The following EHMT1 variants were observed in gnomAD, a reference collection of about 807,000 sequenced individuals.
EHMT1 encodes the protein euchromatic histone lysine methyltransferase 1, also known as histone-lysine N-methyltransferase EHMT1.
A neutral mutation model predicts 147.2 loss-of-function variants in EHMT1; 15 were observed. The ratio of observed to expected loss-of-function variants is 0.10; its 90% CI spans 0.07 to 0.16. The LOEUF (loss-of-function observed/expected upper bound fraction) is 0.16. Ranked by LOEUF, EHMT1 falls within the 10% of genes least tolerant of loss-of-function variation. The pLI, the probability that EHMT1 is intolerant of heterozygous loss-of-function variation, is 1.00. For synonymous variants in EHMT1, 795 were observed against 709.6 expected (o/e 1.12, Z -1.91); for missense variants, 1,587 against 1,772.4 (o/e 0.90, Z 1.88).
At chr9:137,690,123 G>C (rs1942809525) in intron 1 of EHMT1, among the ~76,000 whole-genome samples, 1 of 152,204 alleles carries the variant, frequency 6.6e-6, no homozygotes, top group African/African-American at 2.4e-5. Flanking sequence ...GGGGAAAACT[G>C]TGAGAGATGA....
At chr9:137,768,347 GTTT>G (rs768762232) in intron 10 of EHMT1, among the ~76,000 whole-genome samples, 5 of 92,512 alleles carry the variant, frequency 5.4e-5, no homozygotes, top group Non-Finnish European at 4.2e-5. Flanking sequence ...TTTTCTGTGT[GTTT>G]TTTTTTTTTT....
rs763737073 is a variant in EHMT1, at chr9:137,817,463, G to A, written c.3399G>A (p.Thr1133=). ...GLRARLQLYR[T]RDMGWGVRSL... is the part of the protein sequence containing the mutation. ...GGGCAAGGCTGCAGCTCTACCGGACGCGGGACATGGGCTGGGGCGTGCGGT... is the reference window on the plus strand; with the variant it reads ...GGGCAAGGCTGCAGCTCTACCGGACACGGGACATGGGCTGGGGCGTGCGGT... The change falls in exon 24 of 27, where the codon ACG becomes ACA. Residue 1133 remains threonine (T), a synonymous_variant. Transcript: ENST00000460843. The A allele has an allele frequency of 3.0e-5, 48 of 1,614,076 alleles. No individual in the cohort carries two copies. Among genetic ancestry groups the A allele is most frequent in the Non-Finnish European group, 3.8e-5 (45 of 1,180,042 alleles).
At chr9:137,698,126 C>CA (rs1943553047) in intron 1 of EHMT1, among the ~76,000 whole-genome samples, 1 of 152,210 alleles carries the variant, frequency 6.6e-6, no homozygotes, top group Non-Finnish European at 1.5e-5. Flanking sequence ...TGCAGAGACA[C>CA]AGTGTGGAAA....
chr9:137,774,721 G>A (rs1452137636), intron 10 of EHMT1, among the ~76,000 whole-genome samples: 1 of 131,640 alleles, frequency 7.6e-6, no homozygotes, highest in Non-Finnish European at 1.6e-5. Context: ...GGATCTGGTG[G>A]GTATGGTCGC....
At chr9:137,642,401 G>A (rs1186805953) in intron 1 of EHMT1, among the ~76,000 whole-genome samples, 1 of 151,958 alleles carries the variant, frequency 6.6e-6, no homozygotes, top group East Asian at 1.9e-4. Context: ...GAACTCCCGG[G>A]CTCACAGGAT....
intron 15 of EHMT1, chr9:137,788,111 C>T (rs1952145503): frequency 7.6e-7 from 1 of 1,314,612 alleles, no homozygotes. Flanking sequence ...AGAGGGGCCA[C>T]AGAGGCCTCT....
intron 4 of EHMT1, among the ~76,000 whole-genome samples, chr9:137,734,273 A>G (rs1231230640): frequency 6.6e-6 from 1 of 152,246 alleles, no homozygotes; most frequent in Non-Finnish European, 1.5e-5. Flanking sequence ...TCAAAATGGA[A>G]ATACCAATAA....
chr9:137,694,675 T>C (rs1428080197), intron 1 of EHMT1, among the ~76,000 whole-genome samples: 2 of 152,330 alleles, frequency 1.3e-5, no homozygotes, highest in East Asian at 1.9e-4. Flanking sequence ...CTCTGAGCCA[T>C]GTGCCAGTCA....
chr9:137,768,689 A>G (rs1950399880), intron 10 of EHMT1, among the ~76,000 whole-genome samples: 1 of 149,712 alleles, frequency 6.7e-6, no homozygotes, highest in Non-Finnish European at 1.5e-5. Context: ...AGCTGGGACT[A>G]CAGGCGCCCG....
At chr9:137,755,770 G>A (rs577366486) in intron 8 of EHMT1, among the ~76,000 whole-genome samples, 1 of 152,346 alleles carries the variant, frequency 6.6e-6, no homozygotes, top group East Asian at 1.9e-4. Context: ...CTGTGGGTGT[G>A]CAGTGGTGTT....
intron 18 of EHMT1, among the ~76,000 whole-genome samples, chr9:137,805,151 C>T (rs573198565): frequency 1.3e-5 from 2 of 151,148 alleles, no homozygotes; most frequent in East Asian, 3.9e-4. Context: ...TGTGTGAGTC[C>T]ATCATCTGCA....
intron 1 of EHMT1, among the ~76,000 whole-genome samples, chr9:137,705,079 G>A (rs1297122890): frequency 6.6e-6 from 1 of 151,366 alleles, no homozygotes; most frequent in African/African-American, 2.4e-5. Flanking sequence ...CCTTGAACCA[G>A]CCTTGGTTCA....
chr9:137,631,267 C>G (rs928894091), intron 1 of EHMT1, among the ~76,000 whole-genome samples: 2 of 152,010 alleles, frequency 1.3e-5, no homozygotes, highest in African/African-American at 4.8e-5. Context: ...TGGCGGGCGC[C>G]TGTAATCCCA....
At chr9:137,765,506 AAAT>A (rs1443077268) in intron 10 of EHMT1, among the ~76,000 whole-genome samples, 1 of 152,208 alleles carries the variant, frequency 6.6e-6, no homozygotes, top group Non-Finnish European at 1.5e-5. Context: ...AGAAAACTCA[AAAT>A]AATAATAAAT....
At position 137,818,093 on chromosome 9, in the gene EHMT1, C is replaced by T. The variant is rs148485081; in HGVS notation, c.3495C>T (p.Ala1165=). The T allele has an allele frequency of 1.7e-4, 274 of 1,614,118 alleles. No individual in the cohort carries two copies. Among genetic ancestry groups the T allele is most frequent in the Non-Finnish European group, 2.1e-4 (245 of 1,180,026 alleles). The change falls in exon 25 of 27, where the codon GCC becomes GCT. Residue 1165 remains alanine (A), a synonymous_variant. Transcript: ENST00000460843. Reference sequence around the variant, plus strand: ...GGGAGCTGATTTCAGACTCAGAAGCCGACGTTCGAGAGGAAGATTCTTACC... The same window carrying T: ...GGGAGCTGATTTCAGACTCAGAAGCTGACGTTCGAGAGGAAGATTCTTACC... The part of the protein sequence containing the change: ...YVGELISDSE[A]DVREEDSYLF...
chr9:137,699,153 G>T (rs936212102), intron 1 of EHMT1, among the ~76,000 whole-genome samples: 1 of 152,218 alleles, frequency 6.6e-6, no homozygotes, highest in African/African-American at 2.4e-5. Flanking sequence ...CTCTGGAAAG[G>T]TGATGCTGAG....
At position 137,716,729 on chromosome 9, in the gene EHMT1, C is replaced by T. The variant is rs951129841; in HGVS notation, c.189C>T (p.Ala63=). Reference sequence around the variant, plus strand: ...ATGGGTCTTGTGAAAACAGCGATGCCAGCAGTCATGCAAATGCTGCAAAGC... The same window carrying T: ...ATGGGTCTTGTGAAAACAGCGATGCTAGCAGTCATGCAAATGCTGCAAAGC... ...ETNGSCENSD[A]SSHANAAKHT... Residue 63 remains alanine (A), a synonymous_variant, in exon 3 of 27, where the codon GCC becomes GCT. Transcript: ENST00000460843. 1.2e-6 allele frequency: 2 copies of T among 1,612,428 alleles called. No individual in the cohort carries two copies. Among genetic ancestry groups the T allele is most frequent in the African/African-American group, 1.3e-5 (1 of 74,958 alleles).
intron 1 of EHMT1, among the ~76,000 whole-genome samples, chr9:137,671,946 G>A (rs879836409): frequency 3.3e-5 from 5 of 152,198 alleles, no homozygotes; most frequent in African/African-American, 7.2e-5. Flanking sequence ...CCTTGTGTTC[G>A]TGCTGCGCCC....
chr9:137,808,483 C>T (rs901898308), intron 18 of EHMT1, among the ~76,000 whole-genome samples: 4 of 152,080 alleles, frequency 2.6e-5, no homozygotes, highest in African/African-American at 9.7e-5. Flanking sequence ...TCTTCTGGTT[C>T]TTTTAGGTGG....
Sources: allele counts gnomAD v4.1 joint callset (sites outside exome capture counted in the v4.1 genomes callset), GRCh38; gene constraint gnomAD v4.1.1; transcripts MANE v1.5; gene names NCBI Gene and HGNC (gene_info 2026-07-23, HGNC 2026-07-21).